NXPE2: variants seen among roughly 807,000 people sequenced by gnomAD.
The protein encoded by NXPE2 is NXPE family member 2.
In NXPE2, 34 loss-of-function variants were observed where a neutral mutation model predicts 34.4. The observed-to-expected ratio is 0.99, with a 90% confidence interval of 0.75 to 1.31. NXPE2 has a LOEUF of 1.31. Ranked by LOEUF, NXPE2 falls within the 40% of genes most tolerant of loss-of-function variation. NXPE2 has a pLI of 0.00. For missense variants in NXPE2, 649 were observed against 672.5 expected (o/e 0.97, Z 0.39); for synonymous variants, 235 against 231.3 (o/e 1.02, Z -0.15).
chr11:114,484,710 C>T, the NXPE2 span, among the ~76,000 whole-genome samples: 3 of 152,178 alleles, frequency 2.0e-5, no homozygotes, highest in African/African-American at 7.2e-5. Flanking sequence ...TCTCTTTCCA[C>T]CTGAAATGAT....
At chr11:114,747,956 C>A in the NXPE2 span, among the ~76,000 whole-genome samples, 1 of 152,106 alleles carries the variant, frequency 6.6e-6, no homozygotes, top group African/African-American at 2.4e-5. Flanking sequence ...GGCCTTTGAC[C>A]AACAGTGCCC....
the NXPE2 span, among the ~76,000 whole-genome samples, chr11:114,528,128 A>G: frequency 1.3e-5 from 2 of 152,192 alleles, no homozygotes; most frequent in Non-Finnish European, 2.9e-5. Flanking sequence ...CCGATCTGCC[A>G]CATGTAATCA....
At chr11:114,798,956 C>T in the NXPE2 span, among the ~76,000 whole-genome samples, 5 of 152,306 alleles carry the variant, frequency 3.3e-5, no homozygotes, top group African/African-American at 4.8e-5. Flanking sequence ...TCCACACTGT[C>T]GTATAGCAGG....
chr11:114,708,167 T>C (rs1373845943), downstream of NXPE2, among the ~76,000 whole-genome samples: 1 of 152,206 alleles, frequency 6.6e-6, no homozygotes, highest in Admixed American at 6.5e-5. Flanking sequence ...GGGATCATAA[T>C]AGCAGTCTTC....
chr11:114,641,756 C>A, the NXPE2 span, among the ~76,000 whole-genome samples: 4 of 152,128 alleles, frequency 2.6e-5, no homozygotes, highest in African/African-American at 9.6e-5. Context: ...CGTTCTAGTA[C>A]ATTTGATCAA....
At chr11:114,705,405 G>A (rs953332898) in intron 4 of NXPE2, among the ~76,000 whole-genome samples, 1 of 152,170 alleles carries the variant, frequency 6.6e-6, no homozygotes, top group Non-Finnish European at 1.5e-5. Context: ...ACAATTCAGC[G>A]AGGCCAATGT....
chr11:114,586,515 A>G, the NXPE2 span, among the ~76,000 whole-genome samples: 1 of 152,222 alleles, frequency 6.6e-6, no homozygotes, highest in Non-Finnish European at 1.5e-5. Context: ...TACAAGACTC[A>G]GGGGACAGGC....
the NXPE2 span, among the ~76,000 whole-genome samples, chr11:114,519,887 TTTTG>T: frequency 2.6e-5 from 4 of 151,766 alleles, no homozygotes; most frequent in Admixed American, 6.6e-5. Flanking sequence ...CACAATTACC[TTTTG>T]TTTGTTTGTT....
chr11:114,553,602 T>G, the NXPE2 span: 3 of 468,356 alleles, frequency 6.4e-6, no homozygotes, highest in Non-Finnish European at 8.4e-6. Context: ...AAGATCACAT[T>G]TGTCTAAGCC....
chr11:114,653,415 G>A, the NXPE2 span, among the ~76,000 whole-genome samples: 2 of 151,818 alleles, frequency 1.3e-5, no homozygotes, highest in Non-Finnish European at 2.9e-5. Context: ...CCTTGCTCAT[G>A]TGACTCTACA....
the NXPE2 span, among the ~76,000 whole-genome samples, chr11:114,719,808 A>G: frequency 6.6e-6 from 1 of 152,016 alleles, no homozygotes. Context: ...CGGGTATGGT[A>G]CTTTGGCTAG....
At chr11:114,669,491 C>T in the NXPE2 span, among the ~76,000 whole-genome samples, 1 of 152,142 alleles carries the variant, frequency 6.6e-6, no homozygotes, top group Non-Finnish European at 1.5e-5. Context: ...TTCTATTCTA[C>T]CCAAGAATGG....
chr11:114,781,730 T>C, the NXPE2 span, among the ~76,000 whole-genome samples: 1 of 152,138 alleles, frequency 6.6e-6, no homozygotes, highest in African/African-American at 2.4e-5. Flanking sequence ...GGTCTATAAA[T>C]AATGGTCCAT....
At chr11:114,721,649 G>A in the NXPE2 span, among the ~76,000 whole-genome samples, 1 of 152,154 alleles carries the variant, frequency 6.6e-6, no homozygotes, top group African/African-American at 2.4e-5. Context: ...TTGACTTTGG[G>A]TCAGGCACTG....
chr11:114,658,993 G>A, the NXPE2 span, among the ~76,000 whole-genome samples: 1 of 152,098 alleles, frequency 6.6e-6, no homozygotes, highest in African/African-American at 2.4e-5. Flanking sequence ...AGCTAAGGGT[G>A]AAATAGGAAC....
chr11:114,685,361 G>T (rs898190933), intron 2 of NXPE2, among the ~76,000 whole-genome samples: 8 of 152,028 alleles, frequency 5.3e-5, no homozygotes, highest in Non-Finnish European at 1.0e-4. Context: ...CCTTGTTCAT[G>T]GATGGGTATC....
At chr11:114,662,747 T>G in the NXPE2 span, among the ~76,000 whole-genome samples, 3 of 152,136 alleles carry the variant, frequency 2.0e-5, no homozygotes, top group African/African-American at 7.2e-5. Flanking sequence ...GTTGTGAGGC[T>G]GCCGTTCCAG....
At chr11:114,762,649 C>A in the NXPE2 span, among the ~76,000 whole-genome samples, 1 of 152,192 alleles carries the variant, frequency 6.6e-6, no homozygotes, top group Admixed American at 6.5e-5. Flanking sequence ...GCAGAGGCTT[C>A]TCCCTGCTGG....
the NXPE2 span, chr11:114,583,197 A>T: frequency 1.3e-6 from 1 of 794,516 alleles, no homozygotes; most frequent in East Asian, 2.7e-5. Flanking sequence ...TCCAATAAAA[A>T]GGCATAGAAT....
Sources: gnomAD v4.1 joint callset for allele counts (sites outside exome capture counted in the v4.1 genomes callset) on GRCh38, gnomAD v4.1.1 for gene constraint, MANE v1.5 for transcripts, NCBI Gene and HGNC (gene_info 2026-07-23, HGNC 2026-07-21) for gene names.